The following SPATA17 variants were observed in gnomAD, a reference collection of about 807,000 sequenced individuals.
SPATA17 encodes the protein spermatogenesis associated 17.
A neutral mutation model predicts 62.2 loss-of-function variants in SPATA17; 53 were observed. The observed-to-expected ratio is 0.85, with a 90% CI of 0.68 to 1.07. The LOEUF (loss-of-function observed/expected upper bound fraction) is 1.07, where lower values mean the gene tolerates loss of function less well. Ranked by LOEUF, SPATA17 falls within the 50% of genes least tolerant of loss-of-function variation. The pLI, the probability that SPATA17 is intolerant of heterozygous loss-of-function variation, is 0.00. For missense variants in SPATA17, 466 were observed against 425.5 expected (o/e 1.10, Z -0.84); for synonymous variants, 146 against 146.8 (o/e 0.99, Z 0.04).
intron 4 of SPATA17, among the ~76,000 whole-genome samples, chr1:217,674,009 T>G (rs562340160): frequency 5.3e-5 from 8 of 152,162 alleles, no homozygotes; most frequent in Non-Finnish European, 1.2e-4. Context: ...ACATATATCT[T>G]ATACCCAATT....
intron 9 of SPATA17, among the ~76,000 whole-genome samples, chr1:217,811,364 T>C (rs764159677): frequency 2.5e-4 from 38 of 152,114 alleles, no homozygotes; most frequent in Non-Finnish European, 3.5e-4. Flanking sequence ...AAATCATCAG[T>C]CCCTCCTACT....
intron 9 of SPATA17, among the ~76,000 whole-genome samples, chr1:217,844,243 C>T (rs572555511): frequency 7.2e-5 from 11 of 152,154 alleles, no homozygotes; most frequent in East Asian, 1.9e-4. Flanking sequence ...AGGAAATTTA[C>T]GACTTTTATA....
At chr1:217,831,134 A>T (rs759267406) in intron 9 of SPATA17, among the ~76,000 whole-genome samples, 4 of 152,094 alleles carry the variant, frequency 2.6e-5, no homozygotes, top group Non-Finnish European at 5.9e-5. Context: ...TTTGATGATG[A>T]TCTAGGGCTT....
chr1:217,709,264 T>A (rs1671805570), intron 5 of SPATA17, among the ~76,000 whole-genome samples: 1 of 152,206 alleles, frequency 6.6e-6, no homozygotes, highest in African/African-American at 2.4e-5. Context: ...TATCTCATAG[T>A]TTTCTTAATC....
chr1:217,654,812 A>G (rs1442976498), intron 3 of SPATA17, among the ~76,000 whole-genome samples: 3 of 151,054 alleles, frequency 2.0e-5, no homozygotes, highest in African/African-American at 4.9e-5. Flanking sequence ...TCCCGGGTTC[A>G]AGCGATTCTC....
At position 217,712,128 on chromosome 1, in the gene SPATA17, C is replaced by CTTTTTTTTTTTTTTT. The variant is rs551988828; in HGVS notation, c.395+28771_395+28772insTTTTTTTTTTTTTTT. Among the ~76,000 whole-genome samples the CTTTTTTTTTTTTTTT allele has an allele frequency of 5.1e-4, 68 of 134,118 alleles. 2 individuals are homozygous for CTTTTTTTTTTTTTTT. The highest frequency in any genetic ancestry group is 1.6e-3 in the African/African-American group (55 of 34,978). 88.0% of individuals were successfully genotyped at this position (134,118 alleles called of 152,430 possible). On this transcript the variant is annotated intron_variant, in intron 5 of 10. Coordinates refer to ENST00000366933, the MANE Select transcript of SPATA17 (RefSeq NM_138796.4). ...GGACCCTTAAGTTCTACAATATGTT[C>CTTTTTTTTTTTTTTT]TTTTGTTTTTTTTTTTTTACGGAGT...
chr1:217,644,425 A>T (rs1187838967), intron 1 of SPATA17, among the ~76,000 whole-genome samples: 1 of 152,178 alleles, frequency 6.6e-6, no homozygotes, highest in East Asian at 1.9e-4. Flanking sequence ...ACACATCAAC[A>T]TATCTGACAG....
At chr1:217,663,649 G>A (rs1005255954) in intron 3 of SPATA17, among the ~76,000 whole-genome samples, 3 of 152,006 alleles carry the variant, frequency 2.0e-5, no homozygotes, top group African/African-American at 7.2e-5. Context: ...ATTGTGCATG[G>A]CTTCTAAAGG....
intron 3 of SPATA17, among the ~76,000 whole-genome samples, chr1:217,651,582 G>A (rs1670314560): frequency 6.6e-6 from 1 of 152,116 alleles, no homozygotes; most frequent in African/African-American, 2.4e-5. Flanking sequence ...TCATAAGGAC[G>A]CTAAACTGAT....
intron 9 of SPATA17, among the ~76,000 whole-genome samples, chr1:217,832,700 T>G (rs962920396): frequency 4.6e-5 from 7 of 151,652 alleles, no homozygotes; most frequent in African/African-American, 7.3e-5. Flanking sequence ...CCCAGCACTT[T>G]TGTAGGTCGA....
At chr1:217,738,265 G>T (rs1284385909) in intron 5 of SPATA17, among the ~76,000 whole-genome samples, 1 of 152,064 alleles carries the variant, frequency 6.6e-6, no homozygotes, top group Non-Finnish European at 1.5e-5. Flanking sequence ...AGTTATCAGG[G>T]TTTACCCCAT....
At chr1:217,748,058 C>G (rs1000523261) in intron 6 of SPATA17, among the ~76,000 whole-genome samples, 2 of 151,900 alleles carry the variant, frequency 1.3e-5, no homozygotes, top group Non-Finnish European at 2.9e-5. Context: ...AATTCCAGCA[C>G]TTTGGGAGGC....
chr1:217,770,978 A>ACTTTTTTTT (rs1553251071), intron 6 of SPATA17, among the ~76,000 whole-genome samples: 1 of 50,148 alleles, frequency 2.0e-5, no homozygotes, highest in Non-Finnish European at 3.3e-5. Context: ...AACTCATTGC[A>ACTTTTTTTT]TTTTTTTTTT....
At chr1:217,735,070 C>T (rs1672482404) in intron 5 of SPATA17, among the ~76,000 whole-genome samples, 1 of 152,130 alleles carries the variant, frequency 6.6e-6, no homozygotes, top group South Asian at 2.1e-4. Flanking sequence ...ATATACTAGT[C>T]AACTGAGAAA....
rs560254431 is a variant in SPATA17 at position 217,700,689 on chromosome 1, C to T, written c.395+17328C>T. 7.3e-5 allele frequency among the ~76,000 whole-genome samples: 11 copies of T among 151,520 alleles called. No homozygotes were observed. In the South Asian group the frequency reaches 1.9e-3, roughly 26 times the overall value. On this transcript the variant is annotated intron_variant, in intron 5 of 10. Transcript: ENST00000366933. ...GCACCCTCCGCCTCCCAGGCTCAAG[C>T]GAATCTCCTGCCTCAACCTGCCAAT...
chr1:217,803,129 G>C (rs992112179), intron 9 of SPATA17, among the ~76,000 whole-genome samples: 1 of 152,070 alleles, frequency 6.6e-6, no homozygotes, highest in African/African-American at 2.4e-5. Flanking sequence ...AGCCACGATG[G>C]TCTCCTTCTC....
chr1:217,675,128 T>G (rs1670918512), intron 4 of SPATA17, among the ~76,000 whole-genome samples: 1 of 152,126 alleles, frequency 6.6e-6, no homozygotes, highest in South Asian at 2.1e-4. Context: ...GTCTGACTCC[T>G]GCCGCAATTA....
At chr1:217,675,275 A>G (rs1310219660) in intron 4 of SPATA17, among the ~76,000 whole-genome samples, 1 of 152,216 alleles carries the variant, frequency 6.6e-6, no homozygotes, top group East Asian at 1.9e-4. Context: ...ACACTGTGAA[A>G]TTCAGTTTTC....
At position 217,722,729 on chromosome 1, in the gene SPATA17, T is replaced by A. The variant is rs1403383442; in HGVS notation, c.396-19246T>A. On this transcript the variant is annotated intron_variant, in intron 5 of 10. Transcript: ENST00000366933. ...ACTTCTGCTTTCAGGACTTCATTTG[T>A]CAGACAGAAAGAAAGAAAACTGGTA... Among the ~76,000 whole-genome samples, 3 of 152,332 alleles carry A rather than the reference T, an allele frequency of 2.0e-5. No individual in the cohort carries two copies. In the East Asian group the frequency reaches 5.8e-4, roughly 29 times the overall value.
Sources: gnomAD v4.1 joint callset for allele counts (sites outside exome capture counted in the v4.1 genomes callset) on GRCh38, gnomAD v4.1.1 for gene constraint, MANE v1.5 for transcripts, NCBI Gene and HGNC (gene_info 2026-07-23, HGNC 2026-07-21) for gene names.